EYS: variants seen among roughly 807,000 people sequenced by gnomAD.
The protein encoded by EYS is EGF-like photoreceptor maintenance factor.
In EYS, 250 loss-of-function variants were observed where a neutral mutation model predicts 282.1. The observed-to-expected ratio is 0.89, with a 90% CI of 0.80 to 0.98. EYS has a LOEUF of 0.98. Among genes scored for constraint, EYS ranks in the 50% least tolerant of loss-of-function variants. The pLI is 0.00. For missense variants in EYS, 4,016 were observed against 3,709.0 expected (o/e 1.08, Z -2.15); for synonymous variants, 1,355 against 1,282.9 (o/e 1.06, Z -1.20).
At chr6:64,094,264 C>A (rs921386391) in intron 31 of EYS, among the ~76,000 whole-genome samples, 3 of 152,024 alleles carry the variant, frequency 2.0e-5, no homozygotes, top group Non-Finnish European at 4.4e-5. Flanking sequence ...ATGATGCTGG[C>A]CTTATAAAAC....
In EYS at chr6:64,639,700, A is replaced by G. The variant is rs377665554; in HGVS notation, c.3444-13455T>C. 4.4e-5 allele frequency among the ~76,000 whole-genome samples: 4 copies of G among 90,884 alleles called. 1 individual carries two copies. The highest frequency in any genetic ancestry group is 9.5e-5 in the Non-Finnish European group (4 of 42,098). 59.6% of individuals were successfully genotyped at this position (90,884 alleles called of 152,430 possible). ...ACACCAAAAGCAATGGCAACAAAAGACAAAATTGACAAATGGGATCTCATT... is the reference window on the plus strand; with the variant it reads ...ACACCAAAAGCAATGGCAACAAAAGGCAAAATTGACAAATGGGATCTCATT... On this transcript the variant is annotated intron_variant, in intron 22 of 42. Coordinates refer to ENST00000503581, the MANE Select transcript of EYS (RefSeq NM_001142800.2).
intron 31 of EYS, among the ~76,000 whole-genome samples, chr6:64,113,746 C>T (rs77225762): frequency 0.066 from 10,031 of 152,038 alleles, 995 homozygotes; most frequent in African/African-American, 0.22. Flanking sequence ...ATTTTGGTAC[C>T]GTATTTTAAA....
intron 12 of EYS, among the ~76,000 whole-genome samples, chr6:65,164,260 G>C (rs1262986807): frequency 1.3e-5 from 2 of 151,180 alleles, no homozygotes; most frequent in Non-Finnish European, 3.0e-5. Flanking sequence ...ACATGCACTT[G>C]GAAATCATGC....
At chr6:63,827,850 C>CAAAA (rs58843584) in intron 36 of EYS, among the ~76,000 whole-genome samples, 93 of 84,998 alleles carry the variant, frequency 1.1e-3, no homozygotes, top group African/African-American at 3.9e-3. Flanking sequence ...GACTCCGTCT[C>CAAAA]AAAAAAAAAA....
At chr6:65,415,689 G>C (rs1249677677) in intron 5 of EYS, among the ~76,000 whole-genome samples, 1 of 152,080 alleles carries the variant, frequency 6.6e-6, no homozygotes. Context: ...GCAGAGCCTG[G>C]AGATCTCTTT....
chr6:64,362,821 A>G (rs1046241870), intron 29 of EYS, among the ~76,000 whole-genome samples: 1 of 151,818 alleles, frequency 6.6e-6, no homozygotes, highest in Non-Finnish European at 1.5e-5. Context: ...TTATTATTAT[A>G]AAGCCACTCT....
At chr6:64,102,655 G>C (rs1772871438) in intron 31 of EYS, among the ~76,000 whole-genome samples, 1 of 151,908 alleles carries the variant, frequency 6.6e-6, no homozygotes, top group Non-Finnish European at 1.5e-5. Context: ...TTTTACAATA[G>C]ATTATAAGCA....
chr6:63,940,217 C>T (rs1765191323), intron 35 of EYS, among the ~76,000 whole-genome samples: 1 of 151,880 alleles, frequency 6.6e-6, no homozygotes, highest in African/African-American at 2.4e-5. Flanking sequence ...CATGACATTA[C>T]AAGAAAAAGT....
Position 65,353,523 on chromosome 6 carries a change from A to G in EYS, c.1394T>C (p.Phe465Ser). Residue 465 changes from phenylalanine to serine, a missense_variant, in exon 9 of 43, where the codon TTC becomes TCC. Phe to Ser is a radical substitution (Grantham distance 155, BLOSUM62 -2). Transcript: ENST00000503581. ...HQHLCYCGVTFHGICQDKGPA... is the reference protein window; with the variant it reads ...HQHLCYCGVTSHGICQDKGPA... Reference sequence around the variant, plus strand: ...ACCTTTATCTTGGCAAATACCATGGAAGGTGACTCCACAGTAGCAGAGGTG... The same window carrying G: ...ACCTTTATCTTGGCAAATACCATGGGAGGTGACTCCACAGTAGCAGAGGTG... 2.5e-6 allele frequency: 4 copies of G among 1,613,238 alleles called. No homozygotes were observed. Among genetic ancestry groups the G allele is most frequent in the Non-Finnish European group, 2.5e-6 (3 of 1,179,460 alleles).
At position 64,528,996 on chromosome 6, in the gene EYS, A is replaced by C. The variant is rs144098276; in HGVS notation, c.5644+61227T>G. On this transcript the variant is annotated intron_variant, in intron 26 of 42. Transcript: ENST00000503581. ...AATATGTTTTCTCTTTCCTAGAGCAAGACATACAATGGTATACAGAGTTTT... is the reference window on the plus strand; with the variant it reads ...AATATGTTTTCTCTTTCCTAGAGCACGACATACAATGGTATACAGAGTTTT... Among the ~76,000 whole-genome samples, 9 of 152,206 alleles carry C rather than the reference A, an allele frequency of 5.9e-5. No homozygotes were observed. In the South Asian group the frequency reaches 1.0e-3, roughly 17 times the overall value.
At chr6:64,195,211 G>T (rs995530620) in intron 31 of EYS, among the ~76,000 whole-genome samples, 6 of 152,012 alleles carry the variant, frequency 3.9e-5, no homozygotes. Context: ...CTTTAGTAAA[G>T]ATCTACTGGT....
chr6:64,972,207 C>T (rs190355983), intron 14 of EYS, among the ~76,000 whole-genome samples: 10 of 152,234 alleles, frequency 6.6e-5, no homozygotes, highest in Admixed American at 2.0e-4. Context: ...AACATTTTGA[C>T]ATTAGGCAAT....
intron 13 of EYS, among the ~76,000 whole-genome samples, chr6:65,004,084 G>A (rs561449375): frequency 6.8e-6 from 1 of 146,872 alleles, no homozygotes; most frequent in Non-Finnish European, 1.5e-5. Context: ...TGAGTGTGTG[G>A]GGTGATATAT....
intron 12 of EYS, among the ~76,000 whole-genome samples, chr6:65,200,018 G>A (rs1765862259): frequency 6.6e-6 from 1 of 152,152 alleles, no homozygotes; most frequent in Admixed American, 6.6e-5. Flanking sequence ...TGAATATGAT[G>A]AAGTAAAGGA....
intron 2 of EYS, among the ~76,000 whole-genome samples, chr6:65,595,907 AT>A: frequency 6.6e-6 from 1 of 152,216 alleles, no homozygotes; most frequent in South Asian, 2.1e-4. Flanking sequence ...AGATTAAGTT[AT>A]AAAAAGAAAG....
At chr6:64,140,666 G>A (rs530353922) in intron 31 of EYS, among the ~76,000 whole-genome samples, 8 of 152,114 alleles carry the variant, frequency 5.3e-5, no homozygotes, top group African/African-American at 1.4e-4. Context: ...ATGGAAGGTC[G>A]CGGGTCCTCT....
chr6:64,407,863 C>T (rs1181016545), intron 28 of EYS, among the ~76,000 whole-genome samples: 7 of 152,064 alleles, frequency 4.6e-5, no homozygotes. Context: ...TCCCGAGGAG[C>T]TGAGATTACA....
At chr6:64,783,396 T>C (rs1373467839) in intron 22 of EYS, among the ~76,000 whole-genome samples, 1 of 151,694 alleles carries the variant, frequency 6.6e-6, no homozygotes, top group African/African-American at 2.4e-5. Flanking sequence ...GTTTCAGTAC[T>C]ATCCGTGGAT....
At chr6:65,204,152 G>A (rs1022448078) in intron 12 of EYS, among the ~76,000 whole-genome samples, 3 of 151,846 alleles carry the variant, frequency 2.0e-5, no homozygotes, top group South Asian at 4.1e-4. Flanking sequence ...AAATAATTGA[G>A]GAAAATTTCC....
Sources: gnomAD v4.1 joint callset for allele counts (sites outside exome capture counted in the v4.1 genomes callset) on GRCh38, gnomAD v4.1.1 for gene constraint, MANE v1.5 for transcripts, NCBI Gene and HGNC (gene_info 2026-07-23, HGNC 2026-07-21) for gene names.